Variants in B4GALNT3 observed in about 807,000 individuals in gnomAD.
B4GALNT3 encodes beta-1,4-N-acetylgalactosaminyltransferase 3.
Under a neutral mutation model 120.2 loss-of-function variants are expected in B4GALNT3, and 86 were observed. The ratio of observed to expected loss-of-function variants is 0.72; its 90% confidence interval spans 0.60 to 0.86. The LOEUF (loss-of-function observed/expected upper bound fraction) is 0.86, where lower values mean the gene tolerates loss of function less well. Ranked by LOEUF, B4GALNT3 falls within the 40% of genes least tolerant of loss-of-function variation. The pLI, the probability that B4GALNT3 is intolerant of heterozygous loss-of-function variation, is 0.00. For synonymous variants in B4GALNT3, 518 were observed against 510.4 expected (o/e 1.01, Z -0.20); for missense variants, 1,167 against 1,298.9 (o/e 0.90, Z 1.56).
intron 1 of B4GALNT3, among the ~76,000 whole-genome samples, chr12:534,122 C>T (rs1279528815): frequency 6.6e-6 from 1 of 152,210 alleles, no homozygotes; most frequent in Admixed American, 6.5e-5. Context: ...GAAAGGGGAG[C>T]TCAGTGGAAA....
chr12:505,462 C>T (rs543628437), intron 1 of B4GALNT3, among the ~76,000 whole-genome samples: 4 of 152,244 alleles, frequency 2.6e-5, no homozygotes, highest in African/African-American at 7.2e-5. Context: ...AAGGAAGGGC[C>T]GTCTGCCCAG....
chr12:471,472 C>T (rs1171311510), intron 1 of B4GALNT3, among the ~76,000 whole-genome samples: 2 of 151,594 alleles, frequency 1.3e-5, no homozygotes, highest in Non-Finnish European at 2.9e-5. Flanking sequence ...TTTGGGAGGC[C>T]GAGGTGGGTG....
At chr12:549,647 T>TCCTACA (rs1947052729) in intron 9 of B4GALNT3, 122 bp from the exon 10 acceptor site, 1 of 1,272,506 alleles carries the variant, frequency 7.9e-7, no homozygotes, top group Middle Eastern at 2.4e-4. Flanking sequence ...GCTGCGCACA[T>TCCTACA]CCTACACCGT....
intron 1 of B4GALNT3, among the ~76,000 whole-genome samples, chr12:529,217 C>G (rs1946784109): frequency 6.6e-6 from 1 of 152,182 alleles, no homozygotes; most frequent in African/African-American, 2.4e-5. Flanking sequence ...GTGTCACCCC[C>G]ACACCCACTG....
intron 1 of B4GALNT3, among the ~76,000 whole-genome samples, chr12:498,933 G>A (rs1419029923): frequency 1.3e-5 from 2 of 152,168 alleles, no homozygotes; most frequent in Non-Finnish European, 1.5e-5. Context: ...CTTCATGATG[G>A]TGTCAGCTGG....
intron 1 of B4GALNT3, among the ~76,000 whole-genome samples, chr12:481,080 G>A (rs149751195): frequency 5.2e-4 from 79 of 152,338 alleles, no homozygotes; most frequent in Admixed American, 9.8e-4. Context: ...ACCATCAGAC[G>A]CTGAGGGAAG....
At chr12:504,147 T>G (rs1946471411) in intron 1 of B4GALNT3, among the ~76,000 whole-genome samples, 1 of 148,424 alleles carries the variant, frequency 6.7e-6, no homozygotes, top group Non-Finnish European at 1.5e-5. Flanking sequence ...AAGTAACACA[T>G]GCTCATTGCT....
intron 1 of B4GALNT3, among the ~76,000 whole-genome samples, chr12:487,668 G>A (rs1337412574): frequency 4.0e-5 from 6 of 150,854 alleles, no homozygotes; most frequent in Admixed American, 2.6e-4. Context: ...AGCCGAGATC[G>A]TGCCACTGCA....
chr12:472,729 G>C (rs1392700115), intron 1 of B4GALNT3, among the ~76,000 whole-genome samples: 1 of 151,756 alleles, frequency 6.6e-6, no homozygotes, highest in Admixed American at 6.6e-5. Flanking sequence ...GAGCCACCGC[G>C]CCCGACCTAT....
chr12:512,648 A>T (rs1312834634), intron 1 of B4GALNT3, among the ~76,000 whole-genome samples: 5 of 59,858 alleles, frequency 8.4e-5, no homozygotes, highest in Non-Finnish European at 1.3e-4. Flanking sequence ...TCCACCTTCC[A>T]CCTTCCACCT....
At chr12:498,650 T>C (rs868607668) in intron 1 of B4GALNT3, among the ~76,000 whole-genome samples, 5 of 152,042 alleles carry the variant, frequency 3.3e-5, no homozygotes, top group South Asian at 2.1e-4. Flanking sequence ...AATGACAAGC[T>C]GAGAAAAAGC....
At chr12:551,137 C>A in intron 11 of B4GALNT3, 106 bp downstream of exon 11, 1 of 992,122 alleles carries the variant, frequency 1.0e-6, no homozygotes, top group Non-Finnish European at 1.5e-6. Flanking sequence ...CCCAACATCC[C>A]ATCCCAGCAG....
chr12:464,401 G>A (rs190657764), intron 1 of B4GALNT3, among the ~76,000 whole-genome samples: 2,269 of 152,050 alleles, frequency 0.015, 22 homozygotes, highest in Middle Eastern at 0.031. Context: ...AGGCCGAGGC[G>A]GGCAGATCAT....
intron 15 of B4GALNT3, 121 bp downstream of exon 15, chr12:556,987 T>A: frequency 9.5e-7 from 1 of 1,048,132 alleles, no homozygotes; most frequent in South Asian, 1.7e-5. Flanking sequence ...CACCTTATAG[T>A]TGAGGAAACT....
chr12:529,759 C>T (rs563962241), intron 1 of B4GALNT3, among the ~76,000 whole-genome samples: 99 of 130,248 alleles, frequency 7.6e-4, no homozygotes, highest in African/African-American at 2.9e-3. Flanking sequence ...CGTGTACCTT[C>T]GGTAAAGGTG....
At chr12:514,198 GT>G (rs56697824) in intron 1 of B4GALNT3, among the ~76,000 whole-genome samples, 53,728 of 117,254 alleles carry the variant, frequency 0.46, 8,891 homozygotes, top group African/African-American at 0.59. Context: ...GTCCGTTTTT[GT>G]TTTTTTTTTT....
At chr12:547,528 G>C (rs1445382230) in intron 7 of B4GALNT3, among the ~76,000 whole-genome samples, 1 of 152,090 alleles carries the variant, frequency 6.6e-6, no homozygotes, top group Non-Finnish European at 1.5e-5. Context: ...TGCTTGCAAA[G>C]AGCACTCGCG....
intron 1 of B4GALNT3, among the ~76,000 whole-genome samples, chr12:486,530 C>A (rs1005091787): frequency 6.6e-6 from 1 of 152,074 alleles, no homozygotes; most frequent in Non-Finnish European, 1.5e-5. Flanking sequence ...TTAACAAGGC[C>A]TGCCCTCAGG....
rs1565597953 is a variant in B4GALNT3 at position 511,489 on chromosome 12, CCTTCCACCTTCCACCTTCCACCTT to C, written c.170-23650_170-23627del. On this transcript the variant is annotated intron_variant, in intron 1 of 19. Transcript: ENST00000266383. ...TTCCACCTTCTTCCACCTTCTTCCA[CCTTCCACCTTCCACCTTCCACCTT>C]CTTCCACCTTCCACCTTCCACCTTC... Among the ~76,000 whole-genome samples, 3 of 111,830 alleles carry C rather than the reference CCTTCCACCTTCCACCTTCCACCTT, an allele frequency of 2.7e-5. 1 individual carries two copies. The highest frequency in any genetic ancestry group is 5.2e-5 in the Non-Finnish European group (3 of 57,880). 73.4% of individuals were successfully genotyped at this position (111,830 alleles called of 152,430 possible). A position where few individuals can be genotyped will look rare whatever the true frequency, so the allele number is the denominator to read the frequency against.
Sources: gnomAD v4.1 joint callset for allele counts (sites outside exome capture counted in the v4.1 genomes callset) on GRCh38, gnomAD v4.1.1 for gene constraint, MANE v1.5 for transcripts, NCBI Gene and HGNC (gene_info 2026-07-23, HGNC 2026-07-21) for gene names.